TMEM87B: variants seen among roughly 807,000 people sequenced by gnomAD.
TMEM87B encodes the protein transmembrane protein 87B.
TMEM87B carries 83 observed loss-of-function variants against 80.3 expected under a neutral mutation model. The ratio of observed to expected loss-of-function variants is 1.03; its 90% CI spans 0.87 to 1.24. TMEM87B has a LOEUF of 1.24. TMEM87B is among the 50% of genes most tolerant of loss of function. TMEM87B has a pLI of 0.00. For synonymous variants in TMEM87B, 219 were observed against 230.5 expected, an observed-to-expected ratio of 0.95 and a Z score of 0.45; for missense variants, 625 against 674.4, an observed-to-expected ratio of 0.93 and a Z score of 0.81.
intron 6 of TMEM87B, among the ~76,000 whole-genome samples, chr2:112,079,339 C>T (rs2104473478): frequency 6.6e-6 from 1 of 152,276 alleles, no homozygotes; most frequent in South Asian, 2.1e-4. Flanking sequence ...GTTTTAGATT[C>T]CACATATAAG....
Sources: allele counts gnomAD v4.1 joint callset (sites outside exome capture counted in the v4.1 genomes callset), GRCh38; gene constraint gnomAD v4.1.1; transcripts MANE v1.5; gene names NCBI Gene and HGNC (gene_info 2026-07-23, HGNC 2026-07-21).